Variants in FBXL17 observed in about 807,000 individuals in gnomAD.
The protein encoded by FBXL17 is F-box/LRR-repeat protein 17.
FBXL17 carries 22 observed loss-of-function variants against 66.2 expected under a neutral mutation model. That is an observed-to-expected ratio of 0.33 (90% CI 0.24 to 0.47). The LOEUF is 0.47. Among genes scored for constraint, FBXL17 ranks in the 20% least tolerant of loss-of-function variants. The pLI is 1.00. For synonymous variants in FBXL17, 474 were observed against 400.5 expected, an observed-to-expected ratio of 1.18 and a Z score of -2.19; for missense variants, 878 against 948.2, an observed-to-expected ratio of 0.93 and a Z score of 0.97.
chr5:107,978,392 G>A (rs1015183938), intron 7 of FBXL17, among the ~76,000 whole-genome samples: 4 of 152,284 alleles, frequency 2.6e-5, no homozygotes, highest in East Asian at 1.9e-4. Flanking sequence ...CACAAGGTTA[G>A]GATTATGAGA....
At chr5:108,238,062 C>CAGTAAA (rs775694433) in intron 4 of FBXL17, among the ~76,000 whole-genome samples, 1 of 152,102 alleles carries the variant, frequency 6.6e-6, no homozygotes, top group Non-Finnish European at 1.5e-5. Context: ...TTACAGGGTA[C>CAGTAAA]AGTATGTATA....
Position 108,243,769 on chromosome 5 carries a change from C to A in FBXL17, c.1507-19541G>T, listed in dbSNP as rs577742420. ...GCTAAATTAAATCTACCATACAGATCACTTACCAAAAGTTGATTGTGTGGC... is the reference window on the plus strand; with the variant it reads ...GCTAAATTAAATCTACCATACAGATAACTTACCAAAAGTTGATTGTGTGGC... On this transcript the variant is annotated intron_variant, in intron 4 of 8. Transcript: ENST00000542267. Among the ~76,000 whole-genome samples, 9 of 152,230 alleles carry A rather than the reference C, an allele frequency of 5.9e-5. No individual in the cohort carries two copies. In the South Asian group the frequency reaches 1.4e-3, roughly 25 times the overall value.
At chr5:108,125,171 AAAAAT>A (rs1471673913) in intron 6 of FBXL17, among the ~76,000 whole-genome samples, 1 of 152,052 alleles carries the variant, frequency 6.6e-6, no homozygotes, top group African/African-American at 2.4e-5. Context: ...AACATACTAT[AAAAAT>A]AAAATGTAAT....
intron 7 of FBXL17, among the ~76,000 whole-genome samples, chr5:107,958,015 T>C (rs1206316197): frequency 6.6e-6 from 1 of 152,074 alleles, no homozygotes; most frequent in Non-Finnish European, 1.5e-5. Flanking sequence ...CATCGTTAAT[T>C]GTTGACACGG....
At chr5:107,865,306 C>T (rs574366285) in intron 8 of FBXL17, among the ~76,000 whole-genome samples, 1 of 152,286 alleles carries the variant, frequency 6.6e-6, no homozygotes, top group African/African-American at 2.4e-5. Context: ...GGAAAAGGCA[C>T]ATAATTCACC....
intron 4 of FBXL17, among the ~76,000 whole-genome samples, chr5:108,346,368 C>T (rs1580859842): frequency 6.6e-6 from 1 of 151,880 alleles, no homozygotes; most frequent in Non-Finnish European, 1.5e-5. Flanking sequence ...TTAGCATTTA[C>T]GTATATAACA....
intron 7 of FBXL17, among the ~76,000 whole-genome samples, chr5:107,887,577 C>T (rs1026131428): frequency 6.6e-5 from 10 of 152,154 alleles, no homozygotes; most frequent in Non-Finnish European, 2.9e-5. Flanking sequence ...AATTTCTTGG[C>T]ACGGTTACAA....
At chr5:108,115,495 T>C (rs1207317363) in intron 6 of FBXL17, among the ~76,000 whole-genome samples, 1 of 151,846 alleles carries the variant, frequency 6.6e-6, no homozygotes, top group African/African-American at 2.4e-5. Context: ...CATTACAAAA[T>C]TGGTGAGGTA....
chr5:107,861,932 G>A (rs1748135476), intron 8 of FBXL17, 72 bp from the exon 9 acceptor site: 1 of 1,376,102 alleles, frequency 7.3e-7, no homozygotes, highest in African/African-American at 1.5e-5. Context: ...GCTCACTGAT[G>A]TGCTGCAGCT....
At chr5:108,292,449 T>C (rs1758153272) in intron 4 of FBXL17, among the ~76,000 whole-genome samples, 1 of 152,086 alleles carries the variant, frequency 6.6e-6, no homozygotes, top group Non-Finnish European at 1.5e-5. Flanking sequence ...TCTGTATCTC[T>C]AGTCAGCCTC....
chr5:108,378,140 A>C (rs1465786434), intron 1 of FBXL17, among the ~76,000 whole-genome samples: 1 of 152,174 alleles, frequency 6.6e-6, no homozygotes, highest in Non-Finnish European at 1.5e-5. Context: ...ATTAACCTAT[A>C]TAAAAGAGAA....
chr5:107,861,768 T>C lies in FBXL17; in HGVS notation c.2058A>G (p.Arg686=). Residue 686 remains arginine, a synonymous_variant, in exon 9 of 9, where the codon AGA becomes AGG. Transcript: ENST00000542267. ...VLQDCKRTLE[R]AYQMGWTPNM... ...TGGGGGTCCAGCCCATCTGATAGGC[T>C]CTCTCCAAGGTCCTCTTGCAGTCCT... is the stretch of plus-strand genomic sequence containing the variant. The C allele has an allele frequency of 6.3e-7, 1 of 1,587,422 alleles. No individual in the cohort carries two copies. The highest frequency in any genetic ancestry group is 8.6e-7 in the Non-Finnish European group (1 of 1,164,688).
chr5:108,348,644 T>C (rs1747437139), intron 3 of FBXL17, 114 bp from the exon 4 acceptor site: 1 of 1,039,476 alleles, frequency 9.6e-7, no homozygotes, highest in Admixed American at 2.5e-5. Context: ...AATATTTATG[T>C]TACTTGTAAA....
rs527250205 is a variant in FBXL17, at chr5:108,077,607, G to T, written c.1746-56606C>A. On this transcript the variant is annotated intron_variant, in intron 6 of 8. Transcript: ENST00000542267. ...GAGCCCAGGAGGTTGAGGATGCAGT[G>T]AGCCATGTTCATACCACTGCACTCC... 2.8e-3 allele frequency among the ~76,000 whole-genome samples: 427 copies of T among 150,342 alleles called. 2 individuals carry two copies. Among genetic ancestry groups the T allele is most frequent in the Middle Eastern group, 0.01 (3 of 290 alleles).
At chr5:108,033,400 A>G (rs1746715921) in intron 6 of FBXL17, among the ~76,000 whole-genome samples, 2 of 152,180 alleles carry the variant, frequency 1.3e-5, no homozygotes, top group African/African-American at 4.8e-5. Context: ...ACAAATCTTA[A>G]AAGCAATCGG....
chr5:108,375,394 C>CAA (rs1487572545), intron 1 of FBXL17, among the ~76,000 whole-genome samples: 3 of 147,672 alleles, frequency 2.0e-5, no homozygotes, highest in African/African-American at 5.0e-5. Flanking sequence ...CACACACACA[C>CAA]AAAATTGGCT....
chr5:107,951,024 T>C (rs919361049), intron 7 of FBXL17, among the ~76,000 whole-genome samples: 1 of 152,186 alleles, frequency 6.6e-6, no homozygotes, highest in African/African-American at 2.4e-5. Context: ...ACTAATGTCC[T>C]AATAAATGGC....
rs367843033 is a variant in FBXL17, at chr5:107,860,458, TA to T, written c.*1261del. 59 of 152,782 alleles carry T rather than the reference TA, an allele frequency of 3.9e-4. No individual in the cohort carries two copies. The highest frequency in any genetic ancestry group is 3.7e-3 in the East Asian group (19 of 5,192). 9.5% of individuals were successfully genotyped at this position (152,782 alleles called of 1,614,324 possible). A position where few individuals can be genotyped will look rare whatever the true frequency, so the allele number is the denominator to read the frequency against. On this transcript the variant is annotated 3_prime_UTR_variant, in exon 9 of 9. Transcript: ENST00000542267. ...TTATGAATTAATTGTAAAGATGTGT[TA>T]AATCAAAACATATATTCATTTACTG...
intron 6 of FBXL17, among the ~76,000 whole-genome samples, chr5:108,027,065 G>GT (rs1331240039): frequency 2.0e-5 from 3 of 152,066 alleles, no homozygotes; most frequent in African/African-American, 7.2e-5. Flanking sequence ...CAATGAAAAA[G>GT]TAATATACCA....
Sources: allele counts gnomAD v4.1 joint callset (sites outside exome capture counted in the v4.1 genomes callset), GRCh38; gene constraint gnomAD v4.1.1; transcripts MANE v1.5; gene names NCBI Gene and HGNC (gene_info 2026-07-23, HGNC 2026-07-21).